Variants in RFX7 observed in about 807,000 individuals in gnomAD.
RFX7 encodes regulatory factor X7.
Under a neutral mutation model 111.8 loss-of-function variants are expected in RFX7, and 26 were observed. That is an observed-to-expected ratio of 0.23 (90% confidence interval 0.17 to 0.32). The LOEUF (loss-of-function observed/expected upper bound fraction) is 0.32. Ranked by LOEUF, RFX7 falls within the 10% of genes least tolerant of loss-of-function variation. The pLI, the probability that RFX7 is intolerant of heterozygous loss-of-function variation, is 1.00. For synonymous variants in RFX7, 624 were observed against 624.4 expected (o/e 1.00, Z 0.01); for missense variants, 1,573 against 1,772.9 (o/e 0.89, Z 2.02).
At chr15:56,102,144 TAAAA>T (rs776428088) in intron 7 of RFX7, 21 bp downstream of exon 7, 132 of 1,548,800 alleles carry the variant, frequency 8.5e-5, no homozygotes, top group Non-Finnish European at 1.1e-4. Flanking sequence ...TTTTACTTAT[TAAAA>T]AGAAAAGGCT....
intron 1 of RFX7, 64 bp from the exon 2 acceptor site, chr15:56,243,351 C>CGGGAGGGGAGGACGAAGGG: frequency 3.7e-6 from 2 of 534,642 alleles, no homozygotes; most frequent in Non-Finnish European, 4.5e-6. Flanking sequence ...GGGAAGAGAC[C>CGGGAGGGGAGGACGAAGGG]GGGAGGGGAG....
At chr15:56,103,200 T>C (rs891963188) in intron 6 of RFX7, among the ~76,000 whole-genome samples, 2 of 134,188 alleles carry the variant, frequency 1.5e-5, no homozygotes, top group Admixed American at 1.8e-4. Flanking sequence ...GAAACGAAGA[T>C]AAGCTAGCAT....
At chr15:56,161,728 A>C (rs1356653401) in intron 3 of RFX7, among the ~76,000 whole-genome samples, 1 of 152,098 alleles carries the variant, frequency 6.6e-6, no homozygotes. Flanking sequence ...GTAGTATCAT[A>C]GTATCTTTGG....
At chr15:56,229,287 T>G (rs1451799624) in intron 2 of RFX7, among the ~76,000 whole-genome samples, 2 of 152,120 alleles carry the variant, frequency 1.3e-5, no homozygotes, top group African/African-American at 2.4e-5. Context: ...TTTTTTTGAG[T>G]TGGAGTCTCG....
chr15:56,217,980 C>A (rs1222351900), intron 2 of RFX7, among the ~76,000 whole-genome samples: 2 of 151,894 alleles, frequency 1.3e-5, no homozygotes, highest in Non-Finnish European at 2.9e-5. Context: ...ATTCAACCAA[C>A]CACAAATTGA....
At chr15:56,150,044 C>T (rs559170392) in intron 3 of RFX7, among the ~76,000 whole-genome samples, 504 of 41,736 alleles carry the variant, frequency 0.012, 3 homozygotes, top group African/African-American at 0.043. Context: ...CGGGGTGGGG[C>T]GGGGGGGTCG....
chr15:56,230,893 G>C (rs1567054491), intron 2 of RFX7, among the ~76,000 whole-genome samples: 1 of 152,214 alleles, frequency 6.6e-6, no homozygotes, highest in South Asian at 2.1e-4. Context: ...AGGAGATCAA[G>C]ACCATCCTGG....
intron 5 of RFX7, among the ~76,000 whole-genome samples, chr15:56,127,101 C>T (rs1410389559): frequency 2.0e-5 from 3 of 151,990 alleles, no homozygotes; most frequent in East Asian, 1.9e-4. Context: ...ATACATCATA[C>T]TTAATACATT....
chr15:56,173,485 T>C (rs1262712194), intron 3 of RFX7, among the ~76,000 whole-genome samples: 1 of 152,036 alleles, frequency 6.6e-6, no homozygotes, highest in Non-Finnish European at 1.5e-5. Context: ...AATCAGTAAA[T>C]AAAATGGACC....
intron 3 of RFX7, among the ~76,000 whole-genome samples, chr15:56,169,700 CTTT>C (rs35597885): frequency 5.0e-4 from 48 of 96,878 alleles, no homozygotes; most frequent in East Asian, 9.6e-4. Context: ...CTAGTCAGTT[CTTT>C]TTTTTTTTTT....
chr15:56,205,049 A>G (rs2043236463), intron 2 of RFX7, among the ~76,000 whole-genome samples: 1 of 152,216 alleles, frequency 6.6e-6, no homozygotes, highest in Admixed American at 6.5e-5. Context: ...AAGAAAGAAG[A>G]GTTTTCTATG....
At chr15:56,112,220 G>A (rs2140943340) in intron 5 of RFX7, among the ~76,000 whole-genome samples, 1 of 151,792 alleles carries the variant, frequency 6.6e-6, no homozygotes, top group South Asian at 2.1e-4. Context: ...AGATGGTAGA[G>A]CTCTCTTCAA....
At chr15:56,218,425 C>A (rs1008701207) in intron 2 of RFX7, among the ~76,000 whole-genome samples, 2 of 152,068 alleles carry the variant, frequency 1.3e-5, no homozygotes, top group Admixed American at 6.5e-5. Flanking sequence ...AGCCACCACA[C>A]CCAGCCTAGA....
Position 56,243,141 on chromosome 15 carries a change from T to C in RFX7, c.145A>G (p.Ile49Val), listed in dbSNP as rs2141254601. ...TCCTCTTACCAGATGGAGTTCTTGA[T>C]CTTGTGTTGCAGCGCGCTGGCCTCT... ...GTEASALQHKIKNSICKTVQS... is the reference protein window; with the variant it reads ...GTEASALQHKVKNSICKTVQS... Residue 49 changes from isoleucine (I) to valine (V), a missense_variant, in exon 2 of 10, where the codon ATC becomes GTC. Physicochemically the swap from Ile to Val is conservative, Grantham distance 29. Around this residue, in one of 7 missense-constraint regions of RFX7, gnomAD observed 191 missense variants for 194.2 expected, o/e 0.98. Coordinates refer to ENST00000559447, the MANE Select transcript of RFX7 (RefSeq NM_022841.7). 1 of 1,361,442 alleles carries C rather than the reference T, an allele frequency of 7.3e-7. No homozygotes were observed. The highest frequency in any genetic ancestry group is 1.5e-5 in the African/African-American group (1 of 67,220). The allele number at this position is 1,361,442 out of a possible 1,614,324, so 84.3% of individuals were successfully genotyped here.
intron 5 of RFX7, among the ~76,000 whole-genome samples, chr15:56,125,625 G>GTA (rs1162260690): frequency 6.6e-6 from 1 of 150,966 alleles, no homozygotes. Context: ...GTGTGTGTGT[G>GTA]TGTGTGTGTG....
chr15:56,200,225 T>C (rs1421880070), intron 2 of RFX7, among the ~76,000 whole-genome samples: 1 of 152,080 alleles, frequency 6.6e-6, no homozygotes, highest in Non-Finnish European at 1.5e-5. Flanking sequence ...TCCATAAAAA[T>C]AATGAAATGA....
chr15:56,130,044 G>T (rs2042192394), intron 5 of RFX7, among the ~76,000 whole-genome samples: 1 of 152,102 alleles, frequency 6.6e-6, no homozygotes, highest in Non-Finnish European at 1.5e-5. Flanking sequence ...ACAAAATCAT[G>T]AAACTTTTGT....
chr15:56,111,680 A>AAC (rs1161165586), intron 5 of RFX7, among the ~76,000 whole-genome samples: 2 of 148,474 alleles, frequency 1.3e-5, no homozygotes, highest in South Asian at 2.1e-4. Context: ...AAAAAAAAAA[A>AAC]CCAAAAAAAC....
rs140828561 is a variant in RFX7, at chr15:56,178,166, TACACACACAC to T, written c.195+1094_195+1103del. Among the ~76,000 whole-genome samples, 843 of 119,664 alleles carry T rather than the reference TACACACACAC, an allele frequency of 7.0e-3. 9 individuals are homozygous for T. Among genetic ancestry groups the T allele is most frequent in the African/African-American group, 0.015 (460 of 30,208 alleles). 78.5% of individuals were successfully genotyped at this position (119,664 alleles called of 152,430 possible). ...AAAAAAAACTCGAAAACCAAAAAACTACACACACACACACACACACACACACACACACACA... is the reference window on the plus strand; with the variant it reads ...AAAAAAAACTCGAAAACCAAAAAACTACACACACACACACACACACACACA... On this transcript the variant is annotated intron_variant, in intron 3 of 9. Transcript: ENST00000559447.
Sources: gnomAD v4.1 joint callset for allele counts (sites outside exome capture counted in the v4.1 genomes callset) on GRCh38, gnomAD v4.1.1 for gene constraint, gnomAD v4.1.1 regional missense constraint, MANE v1.5 for transcripts, NCBI Gene and HGNC (gene_info 2026-07-23, HGNC 2026-07-21) for gene names.